The following RRAGD variants were observed in gnomAD, a reference collection of about 807,000 sequenced individuals.
RRAGD encodes the protein Ras related GTP binding D.
Under a neutral mutation model 35.5 loss-of-function variants are expected in RRAGD, and 12 were observed. The ratio of observed to expected loss-of-function variants is 0.34; its 90% CI spans 0.22 to 0.55. The LOEUF is 0.55. Ranked by LOEUF, RRAGD falls within the 20% of genes least tolerant of loss-of-function variation. The pLI, the probability that RRAGD is intolerant of heterozygous loss-of-function variation, is 0.91. For synonymous variants in RRAGD, 155 were observed against 178.9 expected (o/e 0.87, Z 1.07); for missense variants, 324 against 490.1 (o/e 0.66, Z 3.20).
intron 1 of RRAGD, 143 bp from the exon 2 acceptor site, chr6:89,387,733 T>A: frequency 1.2e-6 from 1 of 819,242 alleles, no homozygotes; most frequent in Non-Finnish European, 1.9e-6. Context: ...TCCCTCCACT[T>A]AAACCCCAAG....
At chr6:89,377,868 C>CA in intron 4 of RRAGD, 55 bp from the exon 5 acceptor site, 2 of 1,324,044 alleles carry the variant, frequency 1.5e-6, no homozygotes, top group East Asian at 4.8e-5. Context: ...CAGACCATGT[C>CA]ATGACTACAC....
At chr6:89,402,461 C>A (rs1769490653) in intron 1 of RRAGD, among the ~76,000 whole-genome samples, 1 of 152,126 alleles carries the variant, frequency 6.6e-6, no homozygotes, top group African/African-American at 2.4e-5. Flanking sequence ...TGTTCTAGAA[C>A]ACAAATGACA....
At chr6:89,405,637 A>AG (rs1769564606) in intron 1 of RRAGD, among the ~76,000 whole-genome samples, 1 of 152,130 alleles carries the variant, frequency 6.6e-6, no homozygotes, top group Non-Finnish European at 1.5e-5. Flanking sequence ...CCCCAAGCCT[A>AG]GGCAACGAGA....
At chr6:89,373,630 A>G (rs559807771) in intron 5 of RRAGD, among the ~76,000 whole-genome samples, 2 of 152,194 alleles carry the variant, frequency 1.3e-5, no homozygotes, top group Admixed American at 1.3e-4. Context: ...AAAAAAAAAA[A>G]AAAAAAGATA....
intron 1 of RRAGD, among the ~76,000 whole-genome samples, chr6:89,407,842 T>C (rs915935891): frequency 1.3e-5 from 2 of 152,040 alleles, no homozygotes; most frequent in Non-Finnish European, 2.9e-5. Context: ...CAGAACTTGC[T>C]GTTTGTGCCT....
At chr6:89,394,446 A>T (rs1769294675) in intron 1 of RRAGD, among the ~76,000 whole-genome samples, 1 of 152,228 alleles carries the variant, frequency 6.6e-6, no homozygotes, top group East Asian at 1.9e-4. Context: ...AAAGGAAAAA[A>T]AATCTGTGAA....
chr6:89,405,391 C>T (rs919306326), intron 1 of RRAGD, among the ~76,000 whole-genome samples: 2 of 147,686 alleles, frequency 1.4e-5, no homozygotes, highest in Non-Finnish European at 3.0e-5. Context: ...AACATAGTGG[C>T]GAAGTGATGG....
chr6:89,386,606 T>G, intron 2 of RRAGD, among the ~76,000 whole-genome samples: 1 of 152,210 alleles, frequency 6.6e-6, no homozygotes, highest in Non-Finnish European at 1.5e-5. Context: ...GGAAGGAATC[T>G]GAATAGCAGT....
chr6:89,402,038 ATTTTT>A lies in RRAGD; in HGVS notation c.148+9803_148+9807del, dbSNP rs71556520. On this transcript the variant is annotated intron_variant, in intron 1 of 6. Transcript: ENST00000369415. ...TGAAAGCACTGAGGAAATCCTAAGG[ATTTTT>A]TTTTTTTTTTTTTTTTTGGTGGGGG... Among the ~76,000 whole-genome samples, 68 of 78,434 alleles carry A rather than the reference ATTTTT, an allele frequency of 8.7e-4. 2 individuals carry two copies. Among genetic ancestry groups the A allele is most frequent in the South Asian group, 2.2e-3 (4 of 1,814 alleles). The allele number at this position is 78,434 out of a possible 152,430, so 51.5% of individuals were successfully genotyped here. A position where few individuals can be genotyped will look rare whatever the true frequency, so the allele number is the denominator to read the frequency against.
chr6:89,372,684 A>C (rs376936038), intron 5 of RRAGD, 99 bp from the exon 6 acceptor site: 26 of 1,277,350 alleles, frequency 2.0e-5, no homozygotes, highest in East Asian at 1.2e-4. Flanking sequence ...AAAAGTGATA[A>C]TCATAAGTTG....
chr6:89,408,432 T>C (rs375803481), intron 1 of RRAGD, among the ~76,000 whole-genome samples: 3 of 152,172 alleles, frequency 2.0e-5, no homozygotes, highest in East Asian at 1.9e-4. Flanking sequence ...AGCAGGAAGA[T>C]TGCTTGAGCC....
At chr6:89,392,267 A>G (rs1172160839) in intron 1 of RRAGD, among the ~76,000 whole-genome samples, 1 of 152,114 alleles carries the variant, frequency 6.6e-6, no homozygotes, top group African/African-American at 2.4e-5. Context: ...TGAGGCCAGG[A>G]GTTTGAGACC....
intron 6 of RRAGD, among the ~76,000 whole-genome samples, chr6:89,369,970 A>T (rs996875760): frequency 6.6e-6 from 1 of 152,172 alleles, no homozygotes; most frequent in Non-Finnish European, 1.5e-5. Flanking sequence ...AGGAGTTCTC[A>T]ACCCTAGCTG....
At chr6:89,385,094 TTAAAA>T (rs1254736953) in intron 2 of RRAGD, among the ~76,000 whole-genome samples, 1 of 151,846 alleles carries the variant, frequency 6.6e-6, no homozygotes, top group Non-Finnish European at 1.5e-5. Flanking sequence ...AGAAACAAAA[TTAAAA>T]TAAAAAACAC....
chr6:89,404,307 T>C (rs1249742044), intron 1 of RRAGD, among the ~76,000 whole-genome samples: 1 of 152,140 alleles, frequency 6.6e-6, no homozygotes, highest in Non-Finnish European at 1.5e-5. Flanking sequence ...ACTCAATAGA[T>C]GTTTGTTGGG....
At chr6:89,378,569 G>A (rs1768987668) in intron 4 of RRAGD, among the ~76,000 whole-genome samples, 1 of 152,152 alleles carries the variant, frequency 6.6e-6, no homozygotes, top group Non-Finnish European at 1.5e-5. Context: ...GTGATGTGTA[G>A]GGTTCATTCA....
At chr6:89,374,550 G>A (rs1768902469) in intron 5 of RRAGD, among the ~76,000 whole-genome samples, 1 of 152,064 alleles carries the variant, frequency 6.6e-6, no homozygotes. Flanking sequence ...GACCAACATG[G>A]AGAAACTCCG....
intron 1 of RRAGD, among the ~76,000 whole-genome samples, chr6:89,401,940 T>C (rs1477173710): frequency 1.3e-5 from 2 of 152,034 alleles, no homozygotes; most frequent in African/African-American, 2.4e-5. Flanking sequence ...ATACATATCT[T>C]TGAAGAAATT....
chr6:89,382,421 A>ATG lies in RRAGD; in HGVS notation c.445-2056_445-2055dup, dbSNP rs1491230133. ...TAGAAATATATATATATATATATAT[A>ATG]TGTAATTAACCAGACTTGGTGGTGC... On this transcript the variant is annotated intron_variant, in intron 2 of 6. Coordinates refer to ENST00000369415, the MANE Select transcript of RRAGD (RefSeq NM_021244.5). 2.7e-5 allele frequency among the ~76,000 whole-genome samples: 4 copies of ATG among 146,624 alleles called. 1 individual carries two copies. Among genetic ancestry groups the ATG allele is most frequent in the African/African-American group, 5.0e-5 (2 of 39,752 alleles).
Sources: gnomAD v4.1 joint callset for allele counts (sites outside exome capture counted in the v4.1 genomes callset) on GRCh38, gnomAD v4.1.1 for gene constraint, MANE v1.5 for transcripts, NCBI Gene and HGNC (gene_info 2026-07-23, HGNC 2026-07-21) for gene names.